The following DNAH12 variants were observed in gnomAD, a reference collection of about 807,000 sequenced individuals.
The protein encoded by DNAH12 is dynein axonemal heavy chain 12.
In DNAH12, 285 loss-of-function variants were observed where a neutral mutation model predicts 371.5. The observed-to-expected ratio is 0.77, with a 90% CI of 0.70 to 0.85. DNAH12 has a LOEUF of 0.85. DNAH12 is among the 40% of genes least tolerant of loss of function. The pLI, the probability that DNAH12 is intolerant of heterozygous loss-of-function variation, is 0.00. For synonymous variants in DNAH12, 1,200 were observed against 1,213.0 expected, an observed-to-expected ratio of 0.99 and a Z score of 0.22; for missense variants, 3,611 against 3,689.4, an observed-to-expected ratio of 0.98 and a Z score of 0.55.
At position 57,482,784 on chromosome 3, in the gene DNAH12, C is replaced by A. The variant is rs570312272; in HGVS notation, c.1650+592G>T. On this transcript the variant is annotated intron_variant, in intron 13 of 73. Coordinates refer to ENST00000495027, the MANE Select transcript of DNAH12 (RefSeq NM_001366028.2). The stretch of plus-strand genomic sequence containing the variant: ...AATGTCCTTTGTAGGGACATGGATG[C>A]AGCTGGAAACCATCATTCTCAGCAA... 3.8e-4 allele frequency among the ~76,000 whole-genome samples: 58 copies of A among 152,064 alleles called. 2 individuals carry two copies. The South Asian group carries it at 6.5e-3, about 17-fold the overall frequency.
intron 42 of DNAH12, among the ~76,000 whole-genome samples, chr3:57,403,987 C>G (rs1292077760): frequency 6.6e-6 from 1 of 152,088 alleles, no homozygotes; most frequent in East Asian, 1.9e-4. Context: ...TAAGCATCAG[C>G]AAAGGTGAAG....
intron 32 of DNAH12, among the ~76,000 whole-genome samples, chr3:57,431,036 T>G (rs1393882234): frequency 6.6e-6 from 1 of 152,230 alleles, no homozygotes. Context: ...AGAACACAGA[T>G]AGTTGCAGTA....
chr3:57,363,306 T>C (rs1247984804), intron 58 of DNAH12, among the ~76,000 whole-genome samples: 1 of 152,174 alleles, frequency 6.6e-6, no homozygotes, highest in African/African-American at 2.4e-5. Flanking sequence ...ATCTGATACT[T>C]GTAATAATAC....
At position 57,471,551 on chromosome 3, in the gene DNAH12, TTC is replaced by T. The variant is rs2066369581; in HGVS notation, c.1830_1831del (p.Lys611ThrfsTer42). Reference sequence around the variant, plus strand: ...TTCTTTTTCTATTTCCAAAATAAGTTTCTCTCTCTTGGCCATTAGTTCATTTT... The same window carrying T: ...TTCTTTTTCTATTTCCAAAATAAGTTTCTCTCTTGGCCATTAGTTCATTTT... On this transcript the variant is annotated frameshift_variant, in exon 15 of 74. Transcript: ENST00000495027. LOFTEE classifies it high-confidence loss of function. The T allele has an allele frequency of 1.9e-6, 3 of 1,549,240 alleles. No individual in the cohort carries two copies. The highest frequency in any genetic ancestry group is 2.6e-6 in the Non-Finnish European group (3 of 1,146,502).
Position 57,336,435 on chromosome 3 carries a change from C to T in DNAH12, c.9675-1495G>A, listed in dbSNP as rs1425362039. On this transcript the variant is annotated intron_variant, in intron 60 of 73. Coordinates refer to ENST00000495027, the MANE Select transcript of DNAH12 (RefSeq NM_001366028.2). ...AATATTAAATAGACCAAACACAACT[C>T]CTAAAAATAAAAATACATAATCTGT... Among the ~76,000 whole-genome samples the T allele has an allele frequency of 2.0e-5, 3 of 151,708 alleles. No individual in the cohort carries two copies. In the East Asian group the frequency reaches 5.8e-4, roughly 29 times the overall value.
intron 55 of DNAH12, among the ~76,000 whole-genome samples, chr3:57,368,978 G>A (rs1198608272): frequency 5.9e-5 from 9 of 151,946 alleles, no homozygotes; most frequent in African/African-American, 1.2e-4. Context: ...AGGCCAAGAC[G>A]GGCAGATCAC....
chr3:57,337,282 A>T (rs752245916), intron 60 of DNAH12, among the ~76,000 whole-genome samples: 6 of 152,136 alleles, frequency 3.9e-5, no homozygotes, highest in Non-Finnish European at 7.4e-5. Context: ...CATAGGCAGG[A>T]GGACTGCTTG....
chr3:57,461,422 G>T, intron 19 of DNAH12, 67 bp downstream of exon 19: 2 of 1,430,490 alleles, frequency 1.4e-6, no homozygotes, highest in East Asian at 2.5e-5. Context: ...ATTACCATGA[G>T]AGCGTATATG....
rs569694660 is a variant in DNAH12 at position 57,331,259 on chromosome 3, A to G, written c.9978+3206T>C. On this transcript the variant is annotated intron_variant, in intron 62 of 73. Coordinates refer to ENST00000495027, the MANE Select transcript of DNAH12 (RefSeq NM_001366028.2). ...AAACCCTACATGTGGTATTGAAACA[A>G]TATCTCTACTGCCCATCAGGGGAGC... Among the ~76,000 whole-genome samples the G allele has an allele frequency of 9.8e-5, 15 of 152,310 alleles. No homozygotes were observed. The South Asian group carries it at 1.5e-3, about 15-fold the overall frequency.
chr3:57,416,897 G>A (rs2064393092), intron 37 of DNAH12, among the ~76,000 whole-genome samples: 1 of 152,088 alleles, frequency 6.6e-6, no homozygotes, highest in African/African-American at 2.4e-5. Context: ...TTTGAGAAAT[G>A]CTGCATTAAA....
chr3:57,359,561 A>AG (rs1459669066), intron 58 of DNAH12, among the ~76,000 whole-genome samples: 2 of 135,000 alleles, frequency 1.5e-5, no homozygotes, highest in Non-Finnish European at 3.2e-5. Flanking sequence ...CTCCATCTCA[A>AG]AAAAAAAAAA....
At chr3:57,382,138 A>AC (rs1193810709) in intron 50 of DNAH12, 124 bp downstream of exon 50, 1 of 152,218 alleles carries the variant, frequency 6.6e-6, no homozygotes, top group Admixed American at 6.5e-5. Flanking sequence ...TAGAATATAT[A>AC]CAGACAATAT....
intron 25 of DNAH12, among the ~76,000 whole-genome samples, chr3:57,448,214 GTT>G (rs1286933389): frequency 6.6e-6 from 1 of 152,186 alleles, no homozygotes; most frequent in African/African-American, 2.4e-5. Context: ...CGCATCCAGA[GTT>G]TGTTCCTTCT....
chr3:57,540,488 A>G (rs1356891839), intron 2 of DNAH12, among the ~76,000 whole-genome samples: 2 of 152,216 alleles, frequency 1.3e-5, no homozygotes, highest in Non-Finnish European at 2.9e-5. Flanking sequence ...CCATAAACTA[A>G]ACCTGGAAGA....
chr3:57,422,961 C>T (rs193095732), intron 35 of DNAH12, among the ~76,000 whole-genome samples: 4 of 152,208 alleles, frequency 2.6e-5, no homozygotes, highest in East Asian at 1.9e-4. Context: ...ACAATGTATG[C>T]TAATGTATTT....
intron 2 of DNAH12, among the ~76,000 whole-genome samples, chr3:57,542,159 G>C (rs964021120): frequency 9.3e-4 from 38 of 40,924 alleles, no homozygotes; most frequent in Middle Eastern, 0.02. Flanking sequence ...CTAAACTGGG[G>C]GGGGGGGGGG....
At chr3:57,537,939 T>C (rs1388520698) in intron 2 of DNAH12, among the ~76,000 whole-genome samples, 1 of 152,160 alleles carries the variant, frequency 6.6e-6, no homozygotes, top group Non-Finnish European at 1.5e-5. Flanking sequence ...CGCCTTGGCC[T>C]CCCAAAGTGC....
At chr3:57,353,368 T>C (rs1050174685) in intron 59 of DNAH12, among the ~76,000 whole-genome samples, 2 of 151,912 alleles carry the variant, frequency 1.3e-5, no homozygotes, top group Non-Finnish European at 2.9e-5. Flanking sequence ...TCACAGCTCA[T>C]TACAACCTCT....
At chr3:57,537,197 A>T (rs878907991) in intron 2 of DNAH12, among the ~76,000 whole-genome samples, 2 of 152,070 alleles carry the variant, frequency 1.3e-5, no homozygotes, top group Admixed American at 6.6e-5. Context: ...TTGTCTCAGA[A>T]AAAAAAAAGA....
Sources: allele counts gnomAD v4.1 joint callset (sites outside exome capture counted in the v4.1 genomes callset), GRCh38; gene constraint gnomAD v4.1.1; transcripts MANE v1.5; gene names NCBI Gene and HGNC (gene_info 2026-07-23, HGNC 2026-07-21).